Variants in GMPS observed in about 807,000 individuals in gnomAD.
GMPS encodes GMP synthase [glutamine-hydrolyzing].
GMPS carries 15 observed loss-of-function variants against 77.9 expected under a neutral mutation model. The observed-to-expected ratio is 0.19, with a 90% CI of 0.13 to 0.30. The LOEUF (loss-of-function observed/expected upper bound fraction) is 0.30, where lower values mean the gene tolerates loss of function less well. GMPS is among the 10% of genes least tolerant of loss of function. The probability of loss-of-function intolerance (pLI) is 1.00; values close to 1 mark genes in which losing one functional copy is unlikely to be tolerated. For missense variants in GMPS, 590 were observed against 838.8 expected, an observed-to-expected ratio of 0.70 and a Z score of 3.66; for synonymous variants, 224 against 275.9, an observed-to-expected ratio of 0.81 and a Z score of 1.86.
intron 1 of GMPS, among the ~76,000 whole-genome samples, chr3:155,884,957 AAG>A (rs1428150343): frequency 6.6e-6 from 1 of 152,216 alleles, no homozygotes; most frequent in African/African-American, 2.4e-5. Flanking sequence ...GATAGGGTAG[AAG>A]AGAGTCTGGA....
intron 1 of GMPS, among the ~76,000 whole-genome samples, chr3:155,873,703 C>G (rs188114651): frequency 7.8e-6 from 1 of 128,568 alleles, no homozygotes; most frequent in South Asian, 2.6e-4. Flanking sequence ...GGTGTGATCT[C>G]GGCTCACTGC....
intron 8 of GMPS, among the ~76,000 whole-genome samples, chr3:155,915,710 A>G (rs1007716208): frequency 2.0e-5 from 3 of 149,940 alleles, no homozygotes; most frequent in Non-Finnish European, 3.0e-5. Flanking sequence ...CTAATTTTGT[A>G]TATTTAGTAG....
intron 1 of GMPS, among the ~76,000 whole-genome samples, chr3:155,881,123 A>G (rs186085489): frequency 9.0e-4 from 131 of 144,858 alleles, no homozygotes; most frequent in Non-Finnish European, 1.4e-3. Flanking sequence ...TTGACAAAGT[A>G]TGTTAATAAT....
intron 1 of GMPS, 111 bp downstream of exon 1, chr3:155,871,008 A>G: frequency 9.7e-7 from 1 of 1,030,492 alleles, no homozygotes; most frequent in Non-Finnish European, 1.3e-6. Flanking sequence ...CCGTCCGCGC[A>G]GCCCTGCGCC....
chr3:155,916,275 A>G, intron 9 of GMPS, 83 bp downstream of exon 9: 1 of 859,702 alleles, frequency 1.2e-6, no homozygotes, highest in East Asian at 2.4e-5. Context: ...TAATATTCAC[A>G]GAATTGCATA....
rs1427352905 is a variant in GMPS, at chr3:155,942,535, T to C, written c.*4843T>C. ...AGAGATGGTCTTGCTGAAGGTCTTA[T>C]AGCTAAATTAGTTCAGATCCAGGAA... On this transcript the variant is annotated 3_prime_UTR_variant, in exon 16 of 16. Transcript: ENST00000496455. 6 of 227,606 alleles carry C rather than the reference T, an allele frequency of 2.6e-5. No individual in the cohort carries two copies. The highest frequency in any genetic ancestry group is 4.4e-5 in the African/African-American group (2 of 45,026). The allele number at this position is 227,606 out of a possible 1,614,324, so 14.1% of individuals were successfully genotyped here. A position where few individuals can be genotyped will look rare whatever the true frequency, so the allele number is the denominator to read the frequency against.
At position 155,939,378 on chromosome 3, in the gene GMPS, C is replaced by G. The variant is rs1311146033; in HGVS notation, c.*1686C>G. 1 of 207,400 alleles carries G rather than the reference C, an allele frequency of 4.8e-6. No individual in the cohort carries two copies. 12.8% of individuals were successfully genotyped at this position (207,400 alleles called of 1,614,324 possible). On this transcript the variant is annotated 3_prime_UTR_variant, in exon 16 of 16. Coordinates refer to ENST00000496455, the MANE Select transcript of GMPS (RefSeq NM_003875.3). ...GAAAAAAAATTTCTAGCCACAGTGT[C>G]TTATGATTTTGTATTGAAGCAAACA... is the stretch of plus-strand genomic sequence containing the variant.
chr3:155,920,825 T>G (rs2108121212), intron 10 of GMPS, among the ~76,000 whole-genome samples: 1 of 152,338 alleles, frequency 6.6e-6, no homozygotes, highest in South Asian at 2.1e-4. Flanking sequence ...TAATTGGACA[T>G]AGCTGAGGTT....
chr3:155,941,388 GCGAGACTCAGTC>G lies in GMPS; in HGVS notation c.*3697_*3708del, dbSNP rs1457931346. ...CACTGCACTCCGGCCTGGTGAAAGA[GCGAGACTCAGTC>G]TCAAAAAAAAAAAAAAAAGGAAGTT... On this transcript the variant is annotated 3_prime_UTR_variant, in exon 16 of 16. Transcript: ENST00000496455. 30 of 169,374 alleles carry G rather than the reference GCGAGACTCAGTC, an allele frequency of 1.8e-4. No homozygotes were observed. The highest frequency in any genetic ancestry group is 5.9e-4 in the African/African-American group (22 of 37,056). 10.5% of individuals were successfully genotyped at this position (169,374 alleles called of 1,614,324 possible).
At chr3:155,869,723 T>C (rs901204258), upstream of GMPS, among the ~76,000 whole-genome samples, 1 of 152,328 alleles carries the variant, frequency 6.6e-6, no homozygotes, top group East Asian at 1.9e-4. Context: ...TTTTAAAGTA[T>C]TTTCTCACTC....
intron 1 of GMPS, among the ~76,000 whole-genome samples, chr3:155,873,995 T>C (rs769867868): frequency 8.5e-5 from 13 of 152,198 alleles, no homozygotes; most frequent in Non-Finnish European, 1.5e-4. Context: ...CCGAACGGTA[T>C]ACACAACACC....
chr3:155,870,473 G>T (rs980530915), upstream of GMPS: 2 of 198,224 alleles, frequency 1.0e-5, no homozygotes, highest in Non-Finnish European at 2.1e-5. Context: ...CGGGAGACCC[G>T]GCCGGCTTTG....
In GMPS at chr3:155,938,482, C is replaced by T. The variant is rs1577541012; in HGVS notation, c.*790C>T. 4.7e-6 allele frequency: 1 copy of T among 211,284 alleles called. No homozygotes were observed. Among genetic ancestry groups the T allele is most frequent in the East Asian group, 7.1e-5 (1 of 14,174 alleles). The allele number at this position is 211,284 out of a possible 1,614,324, so 13.1% of individuals were successfully genotyped here. Reference sequence around the variant, plus strand: ...CTTGCATAGAAAGTTTCTGTTATCTCCTTAGAAGAAACTGGCTCAATGACG... The same window carrying T: ...CTTGCATAGAAAGTTTCTGTTATCTTCTTAGAAGAAACTGGCTCAATGACG... On this transcript the variant is annotated 3_prime_UTR_variant, in exon 16 of 16. Coordinates refer to ENST00000496455, the MANE Select transcript of GMPS (RefSeq NM_003875.3).
intron 3 of GMPS, 135 bp downstream of exon 3, chr3:155,898,176 T>C: frequency 1.5e-6 from 1 of 657,392 alleles, no homozygotes; most frequent in Non-Finnish European, 2.8e-6. Flanking sequence ...GTTACAACTA[T>C]GTGAATTGCC....
chr3:155,906,378 T>C (rs1754882514), intron 5 of GMPS, 115 bp downstream of exon 5: 2 of 561,960 alleles, frequency 3.6e-6, no homozygotes, highest in Admixed American at 3.3e-5. Context: ...ATTTTTCTTC[T>C]CTTTTTTTTA....
chr3:155,874,909 T>C (rs980352296), intron 1 of GMPS, among the ~76,000 whole-genome samples: 129 of 139,600 alleles, frequency 9.2e-4, no homozygotes, highest in African/African-American at 2.8e-3. Flanking sequence ...TTCTTTTTTT[T>C]TTTTTTTTTT....
At chr3:155,933,150 C>T (rs1274155743) in intron 13 of GMPS, among the ~76,000 whole-genome samples, 1 of 152,026 alleles carries the variant, frequency 6.6e-6, no homozygotes, top group Non-Finnish European at 1.5e-5. Context: ...TGAGATTGCA[C>T]CACTGCACTC....
At chr3:155,887,359 T>G (rs1754361139) in intron 1 of GMPS, among the ~76,000 whole-genome samples, 1 of 152,240 alleles carries the variant, frequency 6.6e-6, no homozygotes, top group Admixed American at 6.5e-5. Flanking sequence ...ACATTGTGTC[T>G]TTGCATTGTA....
intron 1 of GMPS, 61 bp downstream of exon 1, chr3:155,870,958 A>C: frequency 7.2e-7 from 1 of 1,385,588 alleles, no homozygotes; most frequent in Non-Finnish European, 9.4e-7. Context: ...CGGACCGGGG[A>C]GCCACCCCGC....
Sources: allele counts gnomAD v4.1 joint callset (sites outside exome capture counted in the v4.1 genomes callset), GRCh38; gene constraint gnomAD v4.1.1; transcripts MANE v1.5; gene names NCBI Gene and HGNC (gene_info 2026-07-23, HGNC 2026-07-21).